LAPTM4B: variants seen among roughly 807,000 people sequenced by gnomAD.
The protein encoded by LAPTM4B is lysosomal-associated transmembrane protein 4B.
Under a neutral mutation model 28.5 loss-of-function variants are expected in LAPTM4B, and 26 were observed. The ratio of observed to expected loss-of-function variants is 0.91; its 90% confidence interval spans 0.67 to 1.27. The LOEUF is 1.27. Ranked by LOEUF, LAPTM4B falls within the 50% of genes most tolerant of loss-of-function variation. LAPTM4B has a pLI of 0.00. For synonymous variants in LAPTM4B, 109 were observed against 106.4 expected (o/e 1.02, Z -0.15); for missense variants, 288 against 285.8 (o/e 1.01, Z -0.06).
At chr8:97,834,949 T>C (rs930989481) in intron 6 of LAPTM4B, among the ~76,000 whole-genome samples, 9 of 152,220 alleles carry the variant, frequency 5.9e-5, no homozygotes, top group African/African-American at 2.2e-4. Flanking sequence ...TGTTTAAAGA[T>C]TGTTTAGAAC....
At chr8:97,805,226 G>C (rs552271850) in intron 1 of LAPTM4B, 127 bp from the exon 2 acceptor site, 9 of 611,062 alleles carry the variant, frequency 1.5e-5, no homozygotes, top group African/African-American at 9.3e-5. Flanking sequence ...TTAGTGTTGA[G>C]AGTCAAGCCA....
intron 6 of LAPTM4B, among the ~76,000 whole-genome samples, chr8:97,832,820 C>A (rs1344820669): frequency 6.7e-6 from 1 of 150,066 alleles, no homozygotes; most frequent in East Asian, 2.0e-4. Flanking sequence ...GATTCTCCTG[C>A]CGCAGCCTTC....
chr8:97,818,858 C>G (rs1264747074), intron 4 of LAPTM4B, among the ~76,000 whole-genome samples: 2 of 130,222 alleles, frequency 1.5e-5, no homozygotes, highest in East Asian at 4.2e-4. Flanking sequence ...AGAGAAACTC[C>G]ATCTCAAAAA....
Position 97,841,030 on chromosome 8 carries a change from C to T in LAPTM4B, c.604-10367C>T, listed in dbSNP as rs571953352. 1.6e-3 allele frequency among the ~76,000 whole-genome samples: 234 copies of T among 145,390 alleles called. 2 individuals carry two copies. Among genetic ancestry groups the T allele is most frequent in the South Asian group, 8.7e-3 (39 of 4,504 alleles). ...GGCGCTCCTTACATCCCAGATGGGG[C>T]GGCGGCTGGGCAGAGGCACTCCTCA... On this transcript the variant is annotated intron_variant, in intron 6 of 6. Transcript: ENST00000521545.
intron 6 of LAPTM4B, among the ~76,000 whole-genome samples, chr8:97,846,744 A>G (rs1340560186): frequency 6.6e-6 from 1 of 152,172 alleles, no homozygotes; most frequent in Non-Finnish European, 1.5e-5. Flanking sequence ...TTAAATAGAG[A>G]TGGAGTCTTG....
chr8:97,840,015 C>G (rs571177113), intron 6 of LAPTM4B, among the ~76,000 whole-genome samples: 30 of 152,228 alleles, frequency 2.0e-4, no homozygotes, highest in African/African-American at 7.0e-4. Context: ...AGCAGCTGGG[C>G]ATGGTGGGAT....
intron 1 of LAPTM4B, among the ~76,000 whole-genome samples, chr8:97,799,321 T>C (rs1816636959): frequency 6.6e-6 from 1 of 152,204 alleles, no homozygotes; most frequent in Non-Finnish European, 1.5e-5. Flanking sequence ...GGGCAACACT[T>C]CATCTCATAA....
intron 1 of LAPTM4B, among the ~76,000 whole-genome samples, chr8:97,789,691 T>G (rs919548226): frequency 3.9e-5 from 6 of 151,938 alleles, no homozygotes; most frequent in African/African-American, 1.5e-4. Flanking sequence ...CTAATTTTTT[T>G]TGTATTTTTA....
intron 1 of LAPTM4B, among the ~76,000 whole-genome samples, chr8:97,780,286 G>A (rs1297706509): frequency 6.6e-6 from 1 of 151,666 alleles, no homozygotes; most frequent in Non-Finnish European, 1.5e-5. Context: ...AATTAGTGGG[G>A]CGTGGTGGCA....
chr8:97,811,147 C>G (rs1816819508), intron 2 of LAPTM4B, among the ~76,000 whole-genome samples: 1 of 152,210 alleles, frequency 6.6e-6, no homozygotes. Flanking sequence ...CTGGAACTCT[C>G]AAATCACGGC....
chr8:97,784,655 A>G (rs1816374139), intron 1 of LAPTM4B, among the ~76,000 whole-genome samples: 1 of 152,094 alleles, frequency 6.6e-6, no homozygotes, highest in Non-Finnish European at 1.5e-5. Flanking sequence ...AGCCAGGATG[A>G]TCTCAATCTC....
intron 1 of LAPTM4B, among the ~76,000 whole-genome samples, chr8:97,797,780 T>C (rs574170551): frequency 2.0e-5 from 3 of 152,350 alleles, no homozygotes; most frequent in East Asian, 3.9e-4. Flanking sequence ...ATTTGGGATC[T>C]GATAGATGAC....
At chr8:97,830,710 C>T (rs1586341036) in intron 6 of LAPTM4B, among the ~76,000 whole-genome samples, 1 of 152,090 alleles carries the variant, frequency 6.6e-6, no homozygotes, top group African/African-American at 2.4e-5. Flanking sequence ...TGTAGACGGA[C>T]CGTGGTTGGA....
chr8:97,820,792 G>A (rs1374925859), intron 5 of LAPTM4B, among the ~76,000 whole-genome samples: 1 of 151,776 alleles, frequency 6.6e-6, no homozygotes, highest in African/African-American at 2.4e-5. Context: ...GCAGAGGTGC[G>A]ATCTCGGCTC....
intron 1 of LAPTM4B, among the ~76,000 whole-genome samples, chr8:97,778,204 G>T (rs1352922104): frequency 6.6e-6 from 1 of 152,142 alleles, no homozygotes; most frequent in Non-Finnish European, 1.5e-5. Flanking sequence ...GAATAAAAAT[G>T]TTGCTTTAGG....
intron 6 of LAPTM4B, among the ~76,000 whole-genome samples, chr8:97,836,731 A>C (rs571061784): frequency 3.2e-3 from 483 of 152,156 alleles, no homozygotes; most frequent in Non-Finnish European, 5.5e-3. Context: ...TTAGGGAAAA[A>C]CAGGAAAATT....
chr8:97,832,123 G>A (rs1200633520), intron 6 of LAPTM4B, among the ~76,000 whole-genome samples: 1 of 152,200 alleles, frequency 6.6e-6, no homozygotes, highest in East Asian at 1.9e-4. Flanking sequence ...CCATGAGTAA[G>A]TCCCCCAAAT....
chr8:97,779,132 AG>A (rs1010741512), intron 1 of LAPTM4B, among the ~76,000 whole-genome samples: 3 of 152,128 alleles, frequency 2.0e-5, no homozygotes, highest in Admixed American at 1.3e-4. Context: ...TCGAAGCTGC[AG>A]TGAGCTGTGA....
At chr8:97,846,757 A>G (rs12115060) in intron 6 of LAPTM4B, among the ~76,000 whole-genome samples, 25,813 of 152,090 alleles carry the variant, frequency 0.17, 2,303 homozygotes, top group East Asian at 0.23. Flanking sequence ...GAGTCTTGCT[A>G]TTTTGCCCAG....
Sources: gnomAD v4.1 joint callset for allele counts (sites outside exome capture counted in the v4.1 genomes callset) on GRCh38, gnomAD v4.1.1 for gene constraint, MANE v1.5 for transcripts, NCBI Gene and HGNC (gene_info 2026-07-23, HGNC 2026-07-21) for gene names.